The following AARSD1 variants were observed in gnomAD, a reference collection of about 807,000 sequenced individuals.
The protein encoded by AARSD1 is alanyl-tRNA synthetase domain containing 1.
A neutral mutation model predicts 48.7 loss-of-function variants in AARSD1; 44 were observed. The ratio of observed to expected loss-of-function variants is 0.90; its 90% CI spans 0.71 to 1.16. AARSD1 has a LOEUF of 1.16. Among genes scored for constraint, AARSD1 ranks in the 50% most tolerant of loss-of-function variants. AARSD1 has a pLI of 0.00. For synonymous variants in AARSD1, 189 were observed against 194.9 expected, an observed-to-expected ratio of 0.97 and a Z score of 0.25; for missense variants, 511 against 523.1, an observed-to-expected ratio of 0.98 and a Z score of 0.23.
At chr17:42,956,603 C>A in intron 4 of AARSD1, 43 bp from the exon 5 acceptor site, 3 of 1,323,868 alleles carry the variant, frequency 2.3e-6, no homozygotes, top group Non-Finnish European at 2.0e-6. Flanking sequence ...TCTTACTGAA[C>A]AAGAAAAAGC....
rs1178617957 is a variant in AARSD1 at position 42,961,246 on chromosome 17, C to T, written c.277G>A (p.Val93Ile). 1 of 1,614,124 alleles carries T rather than the reference C, an allele frequency of 6.2e-7. No homozygotes were observed. The highest frequency in any genetic ancestry group is 8.5e-7 in the Non-Finnish European group (1 of 1,180,006). ...TQTPLDPGSQ[V>I]LVRVDWERRF... ...CGCTCCCAATCTACCCGGACCAGAACCTGGCTTCCTGGATCCAGGGGTGTC... is the reference window on the plus strand; with the variant it reads ...CGCTCCCAATCTACCCGGACCAGAATCTGGCTTCCTGGATCCAGGGGTGTC... Residue 93 changes from valine (V) to isoleucine (I), a missense_variant, in exon 3 of 12, where the codon GTT becomes ATT. Transcript: ENST00000427569.
rs746226341 is a variant in AARSD1, at chr17:42,951,850, T to C, written c.1053A>G (p.Gly351=). ...CAGGTGGCCCTGCCAGTAAGAAGAG[T>C]CCACCACCTTTCTCATCGCCCACAG... ...FLTVGDEKGG[G]LFLLAGPPAS... is the part of the protein sequence containing the mutation. The change falls in exon 11 of 12, where the codon GGA becomes GGG. Residue 351 remains glycine (G), a synonymous_variant. Transcript: ENST00000427569. The C allele has an allele frequency of 6.2e-7, 1 of 1,613,876 alleles. No individual in the cohort carries two copies. The highest frequency in any genetic ancestry group is 8.5e-7 in the Non-Finnish European group (1 of 1,179,966).
At chr17:42,963,037 G>A (rs2049659030) in intron 2 of AARSD1, among the ~76,000 whole-genome samples, 1 of 151,808 alleles carries the variant, frequency 6.6e-6, no homozygotes, top group Non-Finnish European at 1.5e-5. Flanking sequence ...AAATAAAAAA[G>A]AAAGAAAATA....
chr17:42,954,721 C>A (rs1273574882), intron 9 of AARSD1, 155 bp downstream of exon 9: 1 of 779,646 alleles, frequency 1.3e-6, no homozygotes, highest in Non-Finnish European at 2.0e-6. Context: ...GCGTGAGCCA[C>A]CGCGCCCGGC....
intron 3 of AARSD1, 24 bp from the exon 4 acceptor site, chr17:42,957,219 G>A (rs999774865): frequency 5.6e-6 from 9 of 1,612,690 alleles, no homozygotes; most frequent in Non-Finnish European, 7.6e-6. Context: ...GCCAGAGACA[G>A]GAGAAAAGTG....
intron 2 of AARSD1, among the ~76,000 whole-genome samples, chr17:42,962,000 C>T (rs2049643386): frequency 6.7e-6 from 1 of 150,164 alleles, no homozygotes; most frequent in Non-Finnish European, 1.5e-5. Context: ...GAGACACTGT[C>T]TCATTTAAAA....
Position 42,956,537 on chromosome 17 carries a change from G to A in AARSD1, c.413C>T (p.Ala138Val), listed in dbSNP as rs1373770676. The A allele has an allele frequency of 3.1e-6, 5 of 1,612,906 alleles. No individual in the cohort carries two copies. The highest frequency in any genetic ancestry group is 1.7e-5 in the Admixed American group (1 of 59,872). ...TSWELGRFRSAIELDTPSMTA... is the reference protein window; with the variant it reads ...TSWELGRFRSVIELDTPSMTA... The stretch of plus-strand genomic sequence containing the variant: ...CATAGAGGGGGTGTCCAGCTCAATC[G>A]CACTCCGAAATCTCCCTAACTCCCT... The change falls in exon 5 of 12, where the codon GCG (alanine) becomes GTG (valine). Residue 138 changes from alanine (A) to valine (V), a missense_variant. Ala to Val is a moderately conservative substitution (Grantham distance 64). Transcript: ENST00000427569.
intron 3 of AARSD1, chr17:42,957,629 C>A (rs1220041557): frequency 6.5e-6 from 1 of 153,864 alleles, no homozygotes; most frequent in Non-Finnish European, 1.4e-5. Context: ...CATCACCGTG[C>A]CCGGCTAATT....
rs2049467398 is a variant in AARSD1 at position 42,950,677 on chromosome 17, C to G, written c.1155G>C (p.Gln385His). The change falls in exon 12 of 12, where the codon CAG becomes CAC. Residue 385 changes from glutamine (Q) to histidine (H), a missense_variant. Coordinates refer to ENST00000427569, the MANE Select transcript of AARSD1 (RefSeq NM_001261434.2). ...GCCGGCTCATCTTGGTGGCCTTGCC[C>G]TGAAAACGGCCTTTCTTCCCTGCTC... ...GKGAGKKGRF[Q>H]GKATKMSRRM... 6.2e-7 allele frequency: 1 copy of G among 1,614,050 alleles called. No homozygotes were observed.
intron 4 of AARSD1, among the ~76,000 whole-genome samples, 200 bp from the exon 5 acceptor site, chr17:42,956,760 C>T (rs1162740045): frequency 1.4e-5 from 2 of 144,994 alleles, no homozygotes; most frequent in African/African-American, 5.1e-5. Context: ...CTCCGCCTCC[C>T]GGGTTCACGC....
chr17:42,955,003 A>T, intron 8 of AARSD1, 36 bp from the exon 9 acceptor site: 1 of 1,613,840 alleles, frequency 6.2e-7, no homozygotes, highest in Non-Finnish European at 8.5e-7. Context: ...GATAAATGGA[A>T]AGGATAACAA....
rs573138061 is a variant in AARSD1, at chr17:42,950,898, C to T, written c.1104-170G>A. On this transcript the variant is annotated intron_variant, in intron 11 of 11. Coordinates refer to ENST00000427569, the MANE Select transcript of AARSD1 (RefSeq NM_001261434.2). ...CATAGGCTGGGCATGGTGGCTCACA[C>T]CTGTAATCCCAGCACTTTGGGAGGC... is the stretch of plus-strand genomic sequence containing the variant. 2.0e-5 allele frequency among the ~76,000 whole-genome samples: 3 copies of T among 152,254 alleles called. No homozygotes were observed. The South Asian group carries it at 6.2e-4, about 32-fold the overall frequency.
chr17:42,954,502 T>A (rs2151940405), intron 9 of AARSD1, among the ~76,000 whole-genome samples: 2 of 152,116 alleles, frequency 1.3e-5, no homozygotes, highest in East Asian at 3.9e-4. Flanking sequence ...TGGCGTGATC[T>A]CCACTCACCA....
At position 42,954,887 on chromosome 17, in the gene AARSD1, G is replaced by A. The variant is rs376512909; in HGVS notation, c.942C>T (p.Val314=). Residue 314 remains valine, a synonymous_variant, in exon 9 of 12, where the codon GTC becomes GTT. Coordinates refer to ENST00000427569, the MANE Select transcript of AARSD1 (RefSeq NM_001261434.2). ...TCCTAATTTCTCACCTGTGTAATAT[G>A]ACCACACCTCCCCAGTCTGGACTGT... ...LRNSPDWGGV[V]ILHRKEGDSE... is the part of the protein sequence containing the mutation. The A allele has an allele frequency of 2.1e-5, 34 of 1,613,876 alleles. No homozygotes were observed. The highest frequency in any genetic ancestry group is 2.9e-5 in the Non-Finnish European group (34 of 1,179,982).
intron 9 of AARSD1, 83 bp from the exon 10 acceptor site, chr17:42,953,861 C>CT: frequency 6.4e-7 from 1 of 1,563,396 alleles, no homozygotes; most frequent in Non-Finnish European, 8.8e-7. Flanking sequence ...CCTTCTGAGG[C>CT]TGGCCTTGCT....
intron 3 of AARSD1, among the ~76,000 whole-genome samples, chr17:42,959,520 G>A (rs1385210398): frequency 4.7e-5 from 7 of 148,742 alleles, no homozygotes; most frequent in African/African-American, 9.9e-5. Flanking sequence ...GAGCCATCGC[G>A]AGCAGCCTAC....
chr17:42,964,234 T>C lies in AARSD1; in HGVS notation c.43A>G (p.Thr15Ala), dbSNP rs780005682. 51 of 1,612,932 alleles carry C rather than the reference T, an allele frequency of 3.2e-5. No individual in the cohort carries two copies. Among genetic ancestry groups the C allele is most frequent in the Non-Finnish European group, 3.2e-5 (38 of 1,179,888 alleles). Residue 15 changes from threonine (T) to alanine (A), a missense_variant, in exon 2 of 12, where the codon ACC (threonine) becomes GCC (alanine). Transcript: ENST00000427569. Reference sequence around the variant, plus strand: ...GGACAGCAGGAGACCACGGTGGTGGTGAACTGAACAGAGAGGAATGAGAGA... The same window carrying C: ...GGACAGCAGGAGACCACGGTGGTGGCGAACTGAACAGAGAGGAATGAGAGA... ...CQRDSYAREFTTTVVSCCPAE... is the reference protein window; with the variant it reads ...CQRDSYAREFATTVVSCCPAE...
chr17:42,954,856 T>C lies in AARSD1; in HGVS notation c.953+20A>G. On this transcript the variant is annotated intron_variant, in intron 9 of 11. Transcript: ENST00000427569. ...CCCAACACAGTTCCCCTTCCTTGTG[T>C]CCAGCTCCTAATTTCTCACCTGTGT... 1 of 1,613,626 alleles carries C rather than the reference T, an allele frequency of 6.2e-7. No homozygotes were observed. Among genetic ancestry groups the C allele is most frequent in the Non-Finnish European group, 8.5e-7 (1 of 1,179,626 alleles).
intron 2 of AARSD1, among the ~76,000 whole-genome samples, chr17:42,961,565 G>A (rs2049726692): frequency 6.6e-6 from 1 of 152,136 alleles, no homozygotes; most frequent in South Asian, 2.1e-4. Flanking sequence ...CAGAATAACA[G>A]AATTAAAGAG....
Sources: allele counts gnomAD v4.1 joint callset (sites outside exome capture counted in the v4.1 genomes callset), GRCh38; gene constraint gnomAD v4.1.1; transcripts MANE v1.5; gene names NCBI Gene and HGNC (gene_info 2026-07-23, HGNC 2026-07-21).